The following SRGAP3 variants were observed in gnomAD, a reference collection of about 807,000 sequenced individuals.
SRGAP3 encodes the protein SLIT-ROBO Rho GTPase activating protein 3.
A neutral mutation model predicts 121.1 loss-of-function variants in SRGAP3; 39 were observed. The ratio of observed to expected loss-of-function variants is 0.32; its 90% CI spans 0.25 to 0.42. The LOEUF is 0.42. SRGAP3 is among the 10% of genes least tolerant of loss of function. The pLI is 1.00. For missense variants in SRGAP3, 1,213 were observed against 1,470.6 expected, an observed-to-expected ratio of 0.82 and a Z score of 2.86; for synonymous variants, 601 against 570.0, an observed-to-expected ratio of 1.05 and a Z score of -0.77.
intron 1 of SRGAP3, among the ~76,000 whole-genome samples, chr3:9,359,959 G>A (rs927648960): frequency 2.0e-5 from 3 of 152,104 alleles, no homozygotes; most frequent in Non-Finnish European, 4.4e-5. Flanking sequence ...AGATGGGAAC[G>A]CTCTCTGTTG....
intron 1 of SRGAP3, among the ~76,000 whole-genome samples, chr3:9,353,558 G>C (rs922832645): frequency 1.3e-5 from 2 of 152,186 alleles, no homozygotes; most frequent in Non-Finnish European, 2.9e-5. Flanking sequence ...AGCTCTCACA[G>C]GGGTTATGTT....
intron 1 of SRGAP3, among the ~76,000 whole-genome samples, chr3:9,355,548 G>A (rs905517266): frequency 5.3e-5 from 8 of 152,074 alleles, no homozygotes; most frequent in Non-Finnish European, 1.0e-4. Context: ...CTCCCCTCCT[G>A]GCTATCTAAA....
chr3:9,329,341 A>G (rs1955567318), intron 2 of SRGAP3, among the ~76,000 whole-genome samples: 2 of 152,310 alleles, frequency 1.3e-5, no homozygotes, highest in South Asian at 4.1e-4. Context: ...GAGGGGCCCC[A>G]GTGACCCAGC....
At chr3:9,271,152 G>A (rs1441548582) in intron 3 of SRGAP3, among the ~76,000 whole-genome samples, 1 of 152,086 alleles carries the variant, frequency 6.6e-6, no homozygotes, top group Admixed American at 6.6e-5. Context: ...GGAAAACATG[G>A]CAAAACCCCG....
chr3:9,163,329 C>T (rs1481905031), intron 1 of SRGAP3, among the ~76,000 whole-genome samples: 4 of 152,150 alleles, frequency 2.6e-5, no homozygotes, highest in South Asian at 2.1e-4. Flanking sequence ...TCCTCCAGGG[C>T]GGTTCAACCA....
Position 9,349,074 on chromosome 3 carries a change from G to C in SRGAP3, n.214+13766C>G, listed in dbSNP as rs1278834815. The stretch of plus-strand genomic sequence containing the variant: ...ATCATGGAGCTGAACCTGCCCACTG[G>C]TATTCCCGTTGTCTATGAATTGGAC... On this transcript the variant is annotated intron_variant and non_coding_transcript_variant, in intron 1 of 3. Transcript: ENST00000490889. 3 of 947,606 alleles carry C rather than the reference G, an allele frequency of 3.2e-6. No homozygotes were observed. The East Asian group carries it at 7.3e-5, about 23-fold the overall frequency. 58.7% of individuals were successfully genotyped at this position (947,606 alleles called of 1,614,324 possible).
At chr3:9,059,403 C>G (rs537214241) in intron 6 of SRGAP3, 1 of 152,424 alleles carries the variant, frequency 6.6e-6, no homozygotes, top group African/African-American at 2.4e-5. Context: ...GGAGCTCCCT[C>G]TCCTTGCGAT....
chr3:9,289,459 T>C lies in SRGAP3; in HGVS notation n.442+36551A>G, dbSNP rs188450818. 1.6e-4 allele frequency among the ~76,000 whole-genome samples: 25 copies of C among 152,332 alleles called. No individual in the cohort carries two copies. In the East Asian group the frequency reaches 3.7e-3, roughly 22 times the overall value. Reference sequence around the variant, plus strand: ...GGAAAAGACAAGTTCTTCTATGGGATATGCATTTGTTTCTGCTAGGCATCT... The same window carrying C: ...GGAAAAGACAAGTTCTTCTATGGGACATGCATTTGTTTCTGCTAGGCATCT... On this transcript the variant is annotated intron_variant and non_coding_transcript_variant, in intron 3 of 3. Coordinates refer to the SRGAP3 transcript ENST00000490889.
intron 1 of SRGAP3, chr3:9,349,174 G>A: frequency 1.4e-6 from 1 of 730,832 alleles, no homozygotes; most frequent in South Asian, 1.3e-5. Flanking sequence ...TGGCTGCCCA[G>A]GGTAAGGCCA....
At chr3:9,290,645 CA>C (rs1954855051) in intron 3 of SRGAP3, among the ~76,000 whole-genome samples, 1 of 152,204 alleles carries the variant, frequency 6.6e-6, no homozygotes, top group Non-Finnish European at 1.5e-5. Flanking sequence ...ACTCACTTAT[CA>C]AAACTTGCAG....
chr3:9,004,146 A>T (rs1157042145), intron 18 of SRGAP3, among the ~76,000 whole-genome samples: 1 of 152,198 alleles, frequency 6.6e-6, no homozygotes, highest in Non-Finnish European at 1.5e-5. Context: ...TTACATTAGC[A>T]TAAAAAGAAT....
chr3:9,064,415 ATCT>A lies in SRGAP3; in HGVS notation c.650_652del (p.Lys217del), dbSNP rs1560052066. 1 of 1,614,164 alleles carries A rather than the reference ATCT, an allele frequency of 6.2e-7. No individual in the cohort carries two copies. Among genetic ancestry groups the A allele is most frequent in the Non-Finnish European group, 8.5e-7 (1 of 1,180,028 alleles). On this transcript the variant is annotated inframe_deletion, in exon 5 of 22. Coordinates refer to ENST00000383836, the MANE Select transcript of SRGAP3 (RefSeq NM_014850.4). ...ACTCACCTTCTCCTTCATCTTCTCA[ATCT>A]TCTTCACAGAGCTGCGGCGCTGGGG...
At chr3:9,080,472 T>C (rs920336545) in intron 3 of SRGAP3, among the ~76,000 whole-genome samples, 2 of 152,224 alleles carry the variant, frequency 1.3e-5, no homozygotes, top group Middle Eastern at 3.2e-3. Context: ...CATGAATGGC[T>C]ACAGAGTGGG....
At chr3:9,105,664 G>T (rs1274979885) in intron 2 of SRGAP3, among the ~76,000 whole-genome samples, 1 of 152,112 alleles carries the variant, frequency 6.6e-6, no homozygotes, top group South Asian at 2.1e-4. Flanking sequence ...AGGGGATTCG[G>T]ATACTCACTC....
intron 3 of SRGAP3, among the ~76,000 whole-genome samples, chr3:9,270,285 G>T (rs1445244828): frequency 6.6e-6 from 1 of 152,158 alleles, no homozygotes; most frequent in Non-Finnish European, 1.5e-5. Context: ...ATTATGGAAA[G>T]AAAAAAGTCA....
At chr3:9,281,042 G>C (rs1954668099) in intron 3 of SRGAP3, among the ~76,000 whole-genome samples, 1 of 152,138 alleles carries the variant, frequency 6.6e-6, no homozygotes. Flanking sequence ...CTAGGATTCA[G>C]TGGCAAAATA....
chr3:9,344,032 A>C (rs1207467103), intron 1 of SRGAP3, among the ~76,000 whole-genome samples: 2 of 152,236 alleles, frequency 1.3e-5, no homozygotes, highest in African/African-American at 4.8e-5. Flanking sequence ...TTTTATAATG[A>C]AAATAGCGTG....
At chr3:9,132,890 G>A (rs1949507347) in intron 1 of SRGAP3, among the ~76,000 whole-genome samples, 1 of 142,398 alleles carries the variant, frequency 7.0e-6, no homozygotes, top group South Asian at 2.4e-4. Context: ...AGGTAGAAAG[G>A]GTATATAAAG....
At chr3:9,155,074 T>C (rs1417345108) in intron 1 of SRGAP3, among the ~76,000 whole-genome samples, 2 of 152,198 alleles carry the variant, frequency 1.3e-5, no homozygotes, top group African/African-American at 4.8e-5. Context: ...GATCCTTTAG[T>C]ATTTCTTTCA....
Sources: gnomAD v4.1 joint callset for allele counts (sites outside exome capture counted in the v4.1 genomes callset) on GRCh38, gnomAD v4.1.1 for gene constraint, MANE v1.5 for transcripts, NCBI Gene and HGNC (gene_info 2026-07-23, HGNC 2026-07-21) for gene names.